Variants in TGS1 observed in about 807,000 individuals in gnomAD.
TGS1 encodes the protein trimethylguanosine synthase.
Under a neutral mutation model 92.2 loss-of-function variants are expected in TGS1, and 69 were observed. The observed-to-expected ratio is 0.75, with a 90% CI of 0.62 to 0.91. The LOEUF is 0.91. Ranked by LOEUF, TGS1 falls within the 40% of genes least tolerant of loss-of-function variation. The pLI, the probability that TGS1 is intolerant of heterozygous loss-of-function variation, is 0.00. For missense variants in TGS1, 1,062 were observed against 1,001.2 expected, an observed-to-expected ratio of 1.06 and a Z score of -0.82; for synonymous variants, 345 against 338.1, an observed-to-expected ratio of 1.02 and a Z score of -0.22.
At chr8:55,791,905 G>A (rs1347063006) in intron 5 of TGS1, among the ~76,000 whole-genome samples, 7 of 152,182 alleles carry the variant, frequency 4.6e-5, no homozygotes, top group Non-Finnish European at 8.8e-5. Flanking sequence ...AGAATGGATC[G>A]TTACTGAACT....
chr8:55,811,187 G>GGGGC, intron 11 of TGS1, 90 bp downstream of exon 11: 1 of 325,858 alleles, frequency 3.1e-6, no homozygotes, highest in Non-Finnish European at 6.2e-6. Flanking sequence ...GGGTGGGTGG[G>GGGGC]CAGGGTGGCT....
chr8:55,803,966 G>A (rs1324945058), intron 9 of TGS1, among the ~76,000 whole-genome samples: 1 of 151,966 alleles, frequency 6.6e-6, no homozygotes, highest in Non-Finnish European at 1.5e-5. Flanking sequence ...TCAGATAATT[G>A]TCTTTCTGAA....
At chr8:55,819,193 C>T (rs573056886) in intron 12 of TGS1, among the ~76,000 whole-genome samples, 1 of 152,226 alleles carries the variant, frequency 6.6e-6, no homozygotes, top group African/African-American at 2.4e-5. Context: ...ACTTCAGCCT[C>T]CCAAAGTTCT....
rs150811702 is a variant in TGS1, at chr8:55,805,396, C to T, written c.2143+360C>T. Among the ~76,000 whole-genome samples, 35 of 152,256 alleles carry T rather than the reference C, an allele frequency of 2.3e-4. No individual in the cohort carries two copies. The East Asian group carries it at 6.4e-3, about 28-fold the overall frequency. The stretch of plus-strand genomic sequence containing the variant: ...GAAATAATTTAAAAGGTAGGAATGT[C>T]ATGAATGCATGAAACATAGGTAGAT... On this transcript the variant is annotated intron_variant, in intron 10 of 12. Transcript: ENST00000260129.
chr8:55,813,038 A>G lies in TGS1; in HGVS notation c.2361-2A>G, dbSNP rs769123946. ...CATTATTTTTCCTTAACTGCTGTCC[A>G]CCTTTGAAATTTTCAGACTTTCTAA... On this transcript the variant is annotated splice_acceptor_variant, in intron 11 of 12. Transcript: ENST00000260129. LOFTEE classifies it high-confidence loss of function. 2 of 1,600,302 alleles carry G rather than the reference A, an allele frequency of 1.2e-6. No homozygotes were observed. The highest frequency in any genetic ancestry group is 3.4e-5 in the Admixed American group (2 of 59,646).
intron 6 of TGS1, among the ~76,000 whole-genome samples, chr8:55,793,974 C>T (rs1323424061): frequency 6.6e-6 from 1 of 151,872 alleles, no homozygotes; most frequent in East Asian, 1.9e-4. Flanking sequence ...TCATATTATA[C>T]ATACTCTCCA....
At chr8:55,803,917 C>G (rs1463315116) in intron 9 of TGS1, among the ~76,000 whole-genome samples, 1 of 152,006 alleles carries the variant, frequency 6.6e-6, no homozygotes, top group Non-Finnish European at 1.5e-5. Flanking sequence ...CTCCTGTGCT[C>G]AAGTGATCCA....
chr8:55,787,166 C>T (rs1397255554), intron 4 of TGS1, 106 bp downstream of exon 4: 32 of 717,780 alleles, frequency 4.5e-5, no homozygotes, highest in Middle Eastern at 2.4e-4. Context: ...ATACCAAGTA[C>T]ATTTCATATA....
rs750251699 is a variant in TGS1, at chr8:55,786,392, A to G, written c.494A>G (p.Asn165Ser). ...CCATCTTCAATTGAACAGTATGAGAACACCAGAACATATGAACTTCAAAGC... is the reference window on the plus strand; with the variant it reads ...CCATCTTCAATTGAACAGTATGAGAGCACCAGAACATATGAACTTCAAAGC... ...DDPSSIEQYE[N>S]TRTYELQSKK... The change falls in exon 4 of 13, where the codon AAC becomes AGC. Residue 165 changes from asparagine to serine, a missense_variant. Asn to Ser is a conservative substitution (Grantham distance 46). Coordinates refer to ENST00000260129, the MANE Select transcript of TGS1 (RefSeq NM_024831.8). 5.0e-6 allele frequency: 8 copies of G among 1,613,622 alleles called. No homozygotes were observed. In the Admixed American group the frequency reaches 6.7e-5, roughly 13 times the overall value.
intron 8 of TGS1, among the ~76,000 whole-genome samples, chr8:55,800,681 A>G (rs556969139): frequency 6.6e-6 from 1 of 152,196 alleles, no homozygotes; most frequent in Non-Finnish European, 1.5e-5. Flanking sequence ...TCCACCCACA[A>G]TGTCATTATA....
chr8:55,824,995 C>T lies in TGS1; in HGVS notation c.*292C>T. On this transcript the variant is annotated 3_prime_UTR_variant, in exon 13 of 13. Transcript: ENST00000260129. ...GGAGTGCAGTGCCATGATCACAGCT[C>T]ACTGCAGGTTCAGCCTTCTGAGTTC... The T allele has an allele frequency of 4.0e-6, 1 of 250,022 alleles. No individual in the cohort carries two copies. Among genetic ancestry groups the T allele is most frequent in the Non-Finnish European group, 7.7e-6 (1 of 129,484 alleles). The allele number at this position is 250,022 out of a possible 1,614,324, so 15.5% of individuals were successfully genotyped here.
At chr8:55,797,682 T>C (rs1369290429) in intron 7 of TGS1, among the ~76,000 whole-genome samples, 1 of 152,212 alleles carries the variant, frequency 6.6e-6, no homozygotes, top group Non-Finnish European at 1.5e-5. Context: ...CTTGGTGTGA[T>C]GAATTACCTT....
At chr8:55,816,715 A>T (rs1265380129) in intron 12 of TGS1, among the ~76,000 whole-genome samples, 1 of 152,168 alleles carries the variant, frequency 6.6e-6, no homozygotes, top group Non-Finnish European at 1.5e-5. Context: ...TTCCCCAGGC[A>T]CATGTCATGT....
intron 1 of TGS1, among the ~76,000 whole-genome samples, chr8:55,777,664 C>T (rs1394552149): frequency 6.6e-6 from 1 of 151,846 alleles, no homozygotes; most frequent in Admixed American, 6.6e-5. Context: ...CTCAGCTTCC[C>T]AAGTAGCTGG....
At chr8:55,810,445 G>A (rs879943184) in intron 10 of TGS1, among the ~76,000 whole-genome samples, 3 of 152,174 alleles carry the variant, frequency 2.0e-5, no homozygotes, top group Non-Finnish European at 4.4e-5. Flanking sequence ...CTTAGAAGTT[G>A]TCGAATTTCT....
rs1191117056 is a variant in TGS1 at position 55,785,805 on chromosome 8, A to C, written c.253A>C (p.Ser85Arg). 6.2e-7 allele frequency: 1 copy of C among 1,614,042 alleles called. No homozygotes were observed. The highest frequency in any genetic ancestry group is 8.5e-7 in the Non-Finnish European group (1 of 1,179,920). Residue 85 changes from serine to arginine, a missense_variant, in exon 3 of 13, where the codon AGT (serine) becomes CGT (arginine). Ser to Arg is a moderately radical substitution (Grantham distance 110). Coordinates refer to ENST00000260129, the MANE Select transcript of TGS1 (RefSeq NM_024831.8). ...CAGCAAAGGCATAGGCCTGGATGAA[A>C]GTGAACTTGATTCTGAGGCTGAACT... ...HDSKGIGLDE[S>R]ELDSEAELMR...
intron 1 of TGS1, among the ~76,000 whole-genome samples, chr8:55,776,848 T>A (rs991729191): frequency 6.6e-6 from 1 of 152,142 alleles, no homozygotes; most frequent in Admixed American, 6.5e-5. Context: ...CTGAGTGAGC[T>A]CTCCTTTTGA....
intron 4 of TGS1, among the ~76,000 whole-genome samples, chr8:55,787,840 A>G (rs1261461065): frequency 6.6e-6 from 1 of 152,238 alleles, no homozygotes; most frequent in Non-Finnish European, 1.5e-5. Flanking sequence ...GGAACCTTCC[A>G]ATTATGGCAG....
intron 10 of TGS1, among the ~76,000 whole-genome samples, chr8:55,809,914 A>G (rs1463984890): frequency 2.0e-5 from 3 of 152,256 alleles, no homozygotes; most frequent in African/African-American, 2.4e-5. Context: ...TCTCTGAACT[A>G]TAAATGTAAC....
Sources: gnomAD v4.1 joint callset for allele counts (sites outside exome capture counted in the v4.1 genomes callset) on GRCh38, gnomAD v4.1.1 for gene constraint, MANE v1.5 for transcripts, NCBI Gene and HGNC (gene_info 2026-07-23, HGNC 2026-07-21) for gene names.